COG3: variants seen among roughly 807,000 people sequenced by gnomAD.
The protein encoded by COG3 is conserved oligomeric Golgi complex subunit 3.
Under a neutral mutation model 114.1 loss-of-function variants are expected in COG3, and 32 were observed. That is an observed-to-expected ratio of 0.28 (90% CI 0.21 to 0.38). The LOEUF (loss-of-function observed/expected upper bound fraction) is 0.38. COG3 is among the 10% of genes least tolerant of loss of function. The pLI, the probability that COG3 is intolerant of heterozygous loss-of-function variation, is 1.00. For missense variants in COG3, 813 were observed against 973.2 expected (o/e 0.84, Z 2.19); for synonymous variants, 352 against 365.7 (o/e 0.96, Z 0.43).
intron 12 of COG3, 152 bp downstream of exon 12, chr13:45,493,638 C>A: frequency 3.8e-6 from 2 of 522,430 alleles, no homozygotes; most frequent in South Asian, 7.4e-5. Flanking sequence ...AATGAAGTTG[C>A]ACCTTATTCT....
chr13:45,528,195 A>G (rs185755465), intron 20 of COG3, among the ~76,000 whole-genome samples: 91 of 152,326 alleles, frequency 6.0e-4, no homozygotes, highest in African/African-American at 2.0e-3. Context: ...AGCAGAGTAC[A>G]TATCCCCATG....
chr13:45,529,674 G>A, intron 20 of COG3, 117 bp from the exon 21 acceptor site: 1 of 683,246 alleles, frequency 1.5e-6, no homozygotes, highest in Non-Finnish European at 2.3e-6. Context: ...AATTCTTTGG[G>A]GAAATAAAGA....
Position 45,476,277 on chromosome 13 carries a change from C to T in COG3, c.251C>T (p.Thr84Ile). ...IELTSVVPES[T>I]EDILLKGFTS... ...CTGACTTCAGTAGTGCCTGAATCTA[C>T]AGAAGACATTCTCTTGAAGGGCTTC... Residue 84 changes from threonine (T) to isoleucine (I), a missense_variant, in exon 2 of 23, where the codon ACA (threonine) becomes ATA (isoleucine). Physicochemically the swap from Thr to Ile is moderately conservative, Grantham distance 89. Transcript: ENST00000349995. 1 of 1,613,680 alleles carries T rather than the reference C, an allele frequency of 6.2e-7. No homozygotes were observed. The highest frequency in any genetic ancestry group is 1.3e-5 in the African/African-American group (1 of 74,996).
chr13:45,490,738 TGAAA>T (rs1197352599), intron 8 of COG3, among the ~76,000 whole-genome samples, 173 bp from the exon 9 acceptor site: 1 of 145,490 alleles, frequency 6.9e-6, no homozygotes, highest in African/African-American at 2.8e-5. Context: ...ATAAAAAAAC[TGAAA>T]GAAAATATAC....
intron 22 of COG3, among the ~76,000 whole-genome samples, chr13:45,532,560 G>GTTTTT (rs59023921): frequency 2.4e-5 from 2 of 82,498 alleles, no homozygotes; most frequent in Admixed American, 1.2e-4. Context: ...TCCTTCCATT[G>GTTTTT]TTTTTTTTTT....
At chr13:45,485,062 C>G (rs1206862980) in intron 7 of COG3, among the ~76,000 whole-genome samples, 2 of 135,356 alleles carry the variant, frequency 1.5e-5, no homozygotes, top group Non-Finnish European at 1.6e-5. Context: ...TCCCGCCTTT[C>G]TATTCCACAA....
intron 3 of COG3, 139 bp downstream of exon 3, chr13:45,479,205 G>A (rs1886097634): frequency 3.1e-6 from 2 of 641,816 alleles, no homozygotes; most frequent in South Asian, 4.1e-5. Context: ...AGAATAGCCA[G>A]TGAGAAGATT....
At chr13:45,472,347 A>T (rs1885572285) in intron 1 of COG3, among the ~76,000 whole-genome samples, 1 of 152,060 alleles carries the variant, frequency 6.6e-6, no homozygotes, top group Admixed American at 6.6e-5. Flanking sequence ...TGAATTTCTT[A>T]GAGCTGTAGT....
At chr13:45,493,514 G>A in intron 12 of COG3, 28 bp downstream of exon 12, 1 of 1,589,810 alleles carries the variant, frequency 6.3e-7, no homozygotes, top group Non-Finnish European at 8.6e-7. Context: ...ATCATTTTAA[G>A]TTATATCACT....
At chr13:45,506,508 A>G (rs1330555644) in intron 14 of COG3, among the ~76,000 whole-genome samples, 1 of 152,192 alleles carries the variant, frequency 6.6e-6, no homozygotes, top group Non-Finnish European at 1.5e-5. Context: ...AGTTGAGAGG[A>G]AGAAGGAAGT....
At chr13:45,511,677 A>G in intron 15 of COG3, 88 bp from the exon 16 acceptor site, 3 of 928,782 alleles carry the variant, frequency 3.2e-6, no homozygotes, top group African/African-American at 1.6e-5. Context: ...GCAAGCAGGC[A>G]TTGTTATTTG....
intron 1 of COG3, among the ~76,000 whole-genome samples, chr13:45,472,945 C>G (rs1056960005): frequency 2.6e-5 from 4 of 152,220 alleles, no homozygotes; most frequent in African/African-American, 9.6e-5. Flanking sequence ...TCATAGCTCA[C>G]TGCAAGCTCC....
At chr13:45,488,027 A>C (rs1886776547) in intron 8 of COG3, among the ~76,000 whole-genome samples, 1 of 152,222 alleles carries the variant, frequency 6.6e-6, no homozygotes, top group African/African-American at 2.4e-5. Context: ...TATATAAACA[A>C]TAAGATACTA....
intron 7 of COG3, among the ~76,000 whole-genome samples, chr13:45,484,167 T>G (rs1304157592): frequency 1.3e-5 from 2 of 152,234 alleles, no homozygotes; most frequent in Non-Finnish European, 2.9e-5. Flanking sequence ...CATGCAAAGC[T>G]TGTGATGTTT....
At chr13:45,514,205 C>G (rs1459959979) in intron 16 of COG3, among the ~76,000 whole-genome samples, 6 of 147,314 alleles carry the variant, frequency 4.1e-5, no homozygotes, top group Non-Finnish European at 4.5e-5. Flanking sequence ...CTGTCACCCA[C>G]GCTGGAGTGC....
Position 45,489,059 on chromosome 13 carries a change from G to GC in COG3, c.925-1855dup, listed in dbSNP as rs1886845791. ...AAAAATTAGCTGGACACGGTGGTGT[G>GC]CACCTGTGGTCCGGCTACTTGGGAG... On this transcript the variant is annotated intron_variant, in intron 8 of 22. Coordinates refer to ENST00000349995, the MANE Select transcript of COG3 (RefSeq NM_031431.4). Among the ~76,000 whole-genome samples the GC allele has an allele frequency of 2.0e-5, 3 of 151,512 alleles. No homozygotes were observed. The South Asian group carries it at 6.3e-4, about 32-fold the overall frequency.
At chr13:45,482,259 T>C (rs1886293742) in intron 5 of COG3, 122 bp from the exon 6 acceptor site, 1 of 519,124 alleles carries the variant, frequency 1.9e-6, no homozygotes, top group Non-Finnish European at 3.4e-6. Flanking sequence ...TGGTGACTTT[T>C]AAAATTTATT....
intron 7 of COG3, among the ~76,000 whole-genome samples, chr13:45,484,603 TA>T (rs1431477108): frequency 6.5e-4 from 98 of 151,322 alleles, no homozygotes; most frequent in Middle Eastern, 6.8e-3. Flanking sequence ...TTTATTTATT[TA>T]TTTATTTATT....
In COG3 at chr13:45,514,867, C is replaced by T. The variant is rs146595215; in HGVS notation, c.1810-1276C>T. Among the ~76,000 whole-genome samples, 1,195 of 151,966 alleles carry T rather than the reference C, an allele frequency of 7.9e-3. 18 individuals carry two copies. Among genetic ancestry groups the T allele is most frequent in the African/African-American group, 0.027 (1,125 of 41,448 alleles). Reference sequence around the variant, plus strand: ...TTCACCATGTTAGCCAGGATGGTTTCTCTGTCTCCTTACCTCGTGATCCGA... The same window carrying T: ...TTCACCATGTTAGCCAGGATGGTTTTTCTGTCTCCTTACCTCGTGATCCGA... On this transcript the variant is annotated intron_variant, in intron 16 of 22. Transcript: ENST00000349995.
Sources: gnomAD v4.1 joint callset for allele counts (sites outside exome capture counted in the v4.1 genomes callset) on GRCh38, gnomAD v4.1.1 for gene constraint, MANE v1.5 for transcripts, NCBI Gene and HGNC (gene_info 2026-07-23, HGNC 2026-07-21) for gene names.